The following GUCY1A2 variants were observed in gnomAD, a reference collection of about 807,000 sequenced individuals.
GUCY1A2 encodes the protein guanylate cyclase 1 soluble subunit alpha 2.
Under a neutral mutation model 63.5 loss-of-function variants are expected in GUCY1A2, and 27 were observed. That is an observed-to-expected ratio of 0.43 (90% CI 0.31 to 0.59). The LOEUF is 0.59. Ranked by LOEUF, GUCY1A2 falls within the 20% of genes least tolerant of loss-of-function variation. The pLI is 0.11. For missense variants in GUCY1A2, 768 were observed against 913.3 expected (o/e 0.84, Z 2.05); for synonymous variants, 364 against 343.5 (o/e 1.06, Z -0.66).
intron 6 of GUCY1A2, among the ~76,000 whole-genome samples, chr11:106,769,269 G>C (rs574575964): frequency 6.6e-5 from 10 of 152,230 alleles, no homozygotes; most frequent in African/African-American, 2.4e-4. Flanking sequence ...AATCATTACA[G>C]ATGATTTATT....
intron 1 of GUCY1A2, among the ~76,000 whole-genome samples, chr11:107,001,996 G>A (rs1591360349): frequency 2.6e-5 from 4 of 151,456 alleles, no homozygotes; most frequent in Admixed American, 2.6e-4. Context: ...AGCAGCCTGG[G>A]CGACAGAGTG....
In GUCY1A2 at chr11:106,682,344, A is replaced by T. The variant is rs184622048; in HGVS notation, c.*5205T>A. On this transcript the variant is annotated 3_prime_UTR_variant, in exon 8 of 8. Transcript: ENST00000526355. ...TTTGAATACTTTTCAATGATTCCCA[A>T]GTCTGGCTGTATATTAGCATTACTT... 7 of 217,522 alleles carry T rather than the reference A, an allele frequency of 3.2e-5. No homozygotes were observed. In the Admixed American group the frequency reaches 4.1e-4, roughly 13 times the overall value. 13.5% of individuals were successfully genotyped at this position (217,522 alleles called of 1,614,324 possible).
chr11:106,796,191 C>T (rs527628590), intron 5 of GUCY1A2, among the ~76,000 whole-genome samples: 7 of 152,118 alleles, frequency 4.6e-5, no homozygotes, highest in Non-Finnish European at 1.0e-4. Context: ...TATTTTGAGC[C>T]TATGTGTGTC....
chr11:106,768,147 T>C (rs985682712), intron 6 of GUCY1A2, among the ~76,000 whole-genome samples: 7 of 152,176 alleles, frequency 4.6e-5, no homozygotes, highest in African/African-American at 1.2e-4. Context: ...TTAATCAATG[T>C]CAATCTCTCT....
intron 4 of GUCY1A2, among the ~76,000 whole-genome samples, chr11:106,904,430 A>G (rs1860176206): frequency 6.6e-6 from 1 of 152,174 alleles, no homozygotes. Context: ...TTACTGTGTT[A>G]GTAAACATCT....
intron 5 of GUCY1A2, among the ~76,000 whole-genome samples, chr11:106,785,514 T>C (rs557151289): frequency 6.6e-6 from 1 of 151,934 alleles, no homozygotes; most frequent in African/African-American, 2.4e-5. Flanking sequence ...TATACTCCTC[T>C]CCGCCTACTA....
At position 106,685,717 on chromosome 11, in the gene GUCY1A2, T is replaced by C. The variant is rs1862514981; in HGVS notation, c.*1832A>G. 8.8e-6 allele frequency: 2 copies of C among 227,216 alleles called. No homozygotes were observed. Among genetic ancestry groups the C allele is most frequent in the Admixed American group, 5.7e-5 (1 of 17,576 alleles). The allele number at this position is 227,216 out of a possible 1,614,324, so 14.1% of individuals were successfully genotyped here. ...CTCATACTGGCTGTAAACCTCCCCATTGTCCAGAAACACAGGCCCACAGAA... is the reference window on the plus strand; with the variant it reads ...CTCATACTGGCTGTAAACCTCCCCACTGTCCAGAAACACAGGCCCACAGAA... On this transcript the variant is annotated 3_prime_UTR_variant, in exon 8 of 8. Transcript: ENST00000526355.
chr11:106,980,139 T>G (rs1422006522), intron 2 of GUCY1A2, among the ~76,000 whole-genome samples: 1 of 152,014 alleles, frequency 6.6e-6, no homozygotes, highest in African/African-American at 2.4e-5. Context: ...GGAAAAGAAA[T>G]AGAGCAAAAT....
At chr11:106,706,862 A>T (rs1488748755) in intron 7 of GUCY1A2, among the ~76,000 whole-genome samples, 1 of 152,148 alleles carries the variant, frequency 6.6e-6, no homozygotes, top group African/African-American at 2.4e-5. Context: ...AGAGAATTTG[A>T]CAAAATTCAA....
At chr11:106,973,182 C>T (rs1444104861) in intron 3 of GUCY1A2, among the ~76,000 whole-genome samples, 1 of 152,096 alleles carries the variant, frequency 6.6e-6, no homozygotes, top group South Asian at 2.1e-4. Flanking sequence ...TATTCTTAAA[C>T]TTTTCCATTA....
At chr11:106,918,175 G>T (rs549476805) in intron 4 of GUCY1A2, among the ~76,000 whole-genome samples, 1 of 144,208 alleles carries the variant, frequency 6.9e-6, no homozygotes, top group Non-Finnish European at 1.6e-5. Flanking sequence ...GTTCTCCTTG[G>T]GGGGCACTGT....
intron 4 of GUCY1A2, among the ~76,000 whole-genome samples, chr11:106,880,193 G>C (rs1212020204): frequency 6.6e-6 from 1 of 152,034 alleles, no homozygotes; most frequent in Non-Finnish European, 1.5e-5. Context: ...TGTGTTCAGA[G>C]TTCTGAGCTA....
At chr11:106,809,628 T>A (rs1273097488) in intron 5 of GUCY1A2, among the ~76,000 whole-genome samples, 1 of 152,184 alleles carries the variant, frequency 6.6e-6, no homozygotes, top group African/African-American at 2.4e-5. Flanking sequence ...TGTTTTTAAC[T>A]GTCAAAATAA....
intron 5 of GUCY1A2, among the ~76,000 whole-genome samples, chr11:106,796,536 C>T (rs1864764256): frequency 6.6e-6 from 1 of 152,086 alleles, no homozygotes; most frequent in East Asian, 1.9e-4. Flanking sequence ...AGTTATGAAG[C>T]TTAGTTTGGC....
At chr11:106,736,508 G>T (rs1165744968) in intron 6 of GUCY1A2, among the ~76,000 whole-genome samples, 1 of 152,086 alleles carries the variant, frequency 6.6e-6, no homozygotes, top group Non-Finnish European at 1.5e-5. Context: ...TTTTATGCCA[G>T]TACCATGCTG....
intron 4 of GUCY1A2, among the ~76,000 whole-genome samples, chr11:106,832,582 C>T (rs1031009899): frequency 6.6e-5 from 10 of 152,080 alleles, no homozygotes; most frequent in Non-Finnish European, 1.2e-4. Flanking sequence ...CTTTCACTAT[C>T]ACTAGAGAAT....
At chr11:106,945,044 C>T (rs1286070065) in intron 3 of GUCY1A2, among the ~76,000 whole-genome samples, 1 of 151,222 alleles carries the variant, frequency 6.6e-6, no homozygotes, top group Non-Finnish European at 1.5e-5. Flanking sequence ...TTCCCCTGAA[C>T]CATGGAAAAT....
At chr11:106,709,131 A>T (rs1862975905) in intron 6 of GUCY1A2, among the ~76,000 whole-genome samples, 1 of 125,618 alleles carries the variant, frequency 8.0e-6, no homozygotes, top group Non-Finnish European at 1.7e-5. Flanking sequence ...TCAGAGAAGG[A>T]TATAGTTATA....
intron 3 of GUCY1A2, among the ~76,000 whole-genome samples, chr11:106,959,346 C>A (rs1429308941): frequency 6.6e-6 from 1 of 152,126 alleles, no homozygotes; most frequent in African/African-American, 2.4e-5. Flanking sequence ...CTCATGGCTT[C>A]TCTTTTCTTT....
Sources: gnomAD v4.1 joint callset for allele counts (sites outside exome capture counted in the v4.1 genomes callset) on GRCh38, gnomAD v4.1.1 for gene constraint, MANE v1.5 for transcripts, NCBI Gene and HGNC (gene_info 2026-07-23, HGNC 2026-07-21) for gene names.